The following CADM2 variants were observed in gnomAD, a reference collection of about 807,000 sequenced individuals.
CADM2 encodes immunoglobulin superfamily member 4D.
A neutral mutation model predicts 49.8 loss-of-function variants in CADM2; 12 were observed. That is an observed-to-expected ratio of 0.24 (90% CI 0.15 to 0.39). The LOEUF (loss-of-function observed/expected upper bound fraction) is 0.39, where lower values mean the gene tolerates loss of function less well. CADM2 is among the 10% of genes least tolerant of loss of function. CADM2 has a pLI of 1.00. For synonymous variants in CADM2, 214 were observed against 175.4 expected (o/e 1.22, Z -1.74); for missense variants, 378 against 492.3 (o/e 0.77, Z 2.20).
At chr3:85,379,925 T>C (rs572213283) in intron 1 of CADM2, among the ~76,000 whole-genome samples, 1 of 152,158 alleles carries the variant, frequency 6.6e-6, no homozygotes, top group South Asian at 2.1e-4. Flanking sequence ...CTGACATCTT[T>C]TGAAAAATGC....
chr3:85,084,898 T>C (rs1385433102), intron 1 of CADM2, among the ~76,000 whole-genome samples: 1 of 152,100 alleles, frequency 6.6e-6, no homozygotes, highest in Non-Finnish European at 1.5e-5. Context: ...AGGAGACCCT[T>C]GAAATTATTT....
At chr3:85,276,606 C>T (rs771377379) in intron 1 of CADM2, among the ~76,000 whole-genome samples, 3 of 150,758 alleles carry the variant, frequency 2.0e-5, no homozygotes, top group Non-Finnish European at 4.4e-5. Flanking sequence ...CTAAAAATCA[C>T]GATACTATTA....
chr3:85,789,899 T>A (rs1393694190), intron 2 of CADM2, among the ~76,000 whole-genome samples: 2 of 152,182 alleles, frequency 1.3e-5, no homozygotes, highest in Non-Finnish European at 2.9e-5. Context: ...GAATTGACTT[T>A]GTACACATAC....
At chr3:85,815,481 C>T (rs573500402) in intron 3 of CADM2, among the ~76,000 whole-genome samples, 2 of 152,126 alleles carry the variant, frequency 1.3e-5, no homozygotes, top group Admixed American at 1.3e-4. Context: ...ATAAACAGAA[C>T]CCAAGACAAA....
chr3:85,754,098 G>A (rs370909938), intron 2 of CADM2, among the ~76,000 whole-genome samples: 26 of 152,274 alleles, frequency 1.7e-4, no homozygotes, highest in African/African-American at 4.3e-4. Flanking sequence ...AGATGTATGC[G>A]TGCTCACTTG....
chr3:85,811,821 G>A (rs1045594253), intron 3 of CADM2, among the ~76,000 whole-genome samples: 1 of 149,998 alleles, frequency 6.7e-6, no homozygotes, highest in South Asian at 2.1e-4. Context: ...AATAAACAAT[G>A]CAAAGAGTGA....
chr3:85,903,737 C>A (rs1716438089), intron 5 of CADM2, among the ~76,000 whole-genome samples: 1 of 152,184 alleles, frequency 6.6e-6, no homozygotes, highest in South Asian at 2.1e-4. Context: ...GAATGTCTTT[C>A]TTTCCTGTTG....
At chr3:85,956,655 G>GTT (rs77456661) in intron 7 of CADM2, among the ~76,000 whole-genome samples, 1 of 133,946 alleles carries the variant, frequency 7.5e-6, no homozygotes. Context: ...CTTTGAGGAA[G>GTT]TTTTTTTTTT....
rs538536411 is a variant in CADM2 at position 85,996,864 on chromosome 3, T to C, written c.970+35217T>C. On this transcript the variant is annotated intron_variant, in intron 8 of 9. Transcript: ENST00000383699. ...TTTTAGTGATTATTTGACCAAGTCT[T>C]AAAACAAGATAAACAATCCCTATTT... 2.6e-5 allele frequency among the ~76,000 whole-genome samples: 4 copies of C among 152,302 alleles called. No individual in the cohort carries two copies. In the South Asian group the frequency reaches 8.3e-4, roughly 32 times the overall value.
rs775236566 is a variant in CADM2 at position 86,068,066 on chromosome 3, A to T, written c.*1283A>T. The T allele has an allele frequency of 6.6e-6, 1 of 152,406 alleles. No individual in the cohort carries two copies. Among genetic ancestry groups the T allele is most frequent in the Non-Finnish European group, 1.5e-5 (1 of 67,862 alleles). 9.4% of individuals were successfully genotyped at this position (152,406 alleles called of 1,614,324 possible). ...CTGCTTACCTATGTTGGTTTGCCAA[A>T]AAGAAGTGTTTAAGATATGTTTTCT... On this transcript the variant is annotated 3_prime_UTR_variant, in exon 10 of 10. Transcript: ENST00000383699.
Position 85,362,533 on chromosome 3 carries a change from A to G in CADM2, c.62-363989A>G, listed in dbSNP as rs148436242. Reference sequence around the variant, plus strand: ...ATTACTATCATCACTCTTTTCATTAAAGTGACATGCATATATTTAGAAACT... The same window carrying G: ...ATTACTATCATCACTCTTTTCATTAGAGTGACATGCATATATTTAGAAACT... On this transcript the variant is annotated intron_variant, in intron 1 of 9. Coordinates refer to ENST00000383699, the MANE Select transcript of CADM2 (RefSeq NM_001167675.2). Among the ~76,000 whole-genome samples the G allele has an allele frequency of 7.9e-5, 12 of 152,324 alleles. No individual in the cohort carries two copies. In the East Asian group the frequency reaches 2.3e-3, roughly 29 times the overall value.
chr3:85,294,231 A>T (rs946602863), intron 1 of CADM2, among the ~76,000 whole-genome samples: 2 of 152,210 alleles, frequency 1.3e-5, no homozygotes, highest in Admixed American at 6.5e-5. Flanking sequence ...CCAACATACA[A>T]GGGATGTAAA....
At chr3:85,999,638 A>G (rs369806815) in intron 8 of CADM2, among the ~76,000 whole-genome samples, 3 of 151,712 alleles carry the variant, frequency 2.0e-5, no homozygotes, top group African/African-American at 7.3e-5. Flanking sequence ...AAGGAGAAAG[A>G]AAGAAAGAAA....
intron 1 of CADM2, among the ~76,000 whole-genome samples, chr3:85,097,575 A>T (rs924736003): frequency 6.6e-6 from 1 of 152,196 alleles, no homozygotes; most frequent in African/African-American, 2.4e-5. Flanking sequence ...GAATCGCCAC[A>T]CTGACTTCCA....
chr3:85,628,045 A>G (rs1284581490), intron 1 of CADM2, among the ~76,000 whole-genome samples: 1 of 152,048 alleles, frequency 6.6e-6, no homozygotes, highest in African/African-American at 2.4e-5. Flanking sequence ...AACAGTATGA[A>G]TCGGTAGTAA....
chr3:85,296,498 T>C (rs1335216187), intron 1 of CADM2, among the ~76,000 whole-genome samples: 1 of 151,990 alleles, frequency 6.6e-6, no homozygotes, highest in Admixed American at 6.6e-5. Context: ...TAGTAACATG[T>C]TTTATAGTCA....
At chr3:85,254,560 T>C (rs2042843749) in intron 1 of CADM2, among the ~76,000 whole-genome samples, 1 of 152,066 alleles carries the variant, frequency 6.6e-6, no homozygotes, top group South Asian at 2.1e-4. Context: ...CTCATTAGCC[T>C]ACAAACGACA....
intron 3 of CADM2, among the ~76,000 whole-genome samples, chr3:85,817,493 G>C (rs2073283841): frequency 7.1e-6 from 1 of 141,572 alleles, no homozygotes; most frequent in African/African-American, 2.6e-5. Flanking sequence ...AATATTGTCT[G>C]GGTATTGATA....
At chr3:85,486,183 A>G (rs1182009870) in intron 1 of CADM2, among the ~76,000 whole-genome samples, 1 of 152,154 alleles carries the variant, frequency 6.6e-6, no homozygotes, top group Non-Finnish European at 1.5e-5. Context: ...TCAGAAAATA[A>G]TTTCTTGAGA....
Sources: gnomAD v4.1 joint callset for allele counts (sites outside exome capture counted in the v4.1 genomes callset) on GRCh38, gnomAD v4.1.1 for gene constraint, MANE v1.5 for transcripts, NCBI Gene and HGNC (gene_info 2026-07-23, HGNC 2026-07-21) for gene names.